SLC19A1: variants seen among roughly 807,000 people sequenced by gnomAD.
SLC19A1 encodes the protein reduced folate transporter.
A neutral mutation model predicts 35.3 loss-of-function variants in SLC19A1; 37 were observed. The observed-to-expected ratio is 1.05, with a 90% CI of 0.81 to 1.38. The LOEUF (loss-of-function observed/expected upper bound fraction) is 1.38. Among genes scored for constraint, SLC19A1 ranks in the 40% most tolerant of loss-of-function variants. The pLI is 0.00. For missense variants in SLC19A1, 831 were observed against 826.9 expected, an observed-to-expected ratio of 1.00 and a Z score of -0.06; for synonymous variants, 460 against 398.5, an observed-to-expected ratio of 1.15 and a Z score of -1.84.
chr21:45,512,114 T>A, downstream of SLC19A1: 1 of 1,518,008 alleles, frequency 6.6e-7, no homozygotes, highest in East Asian at 2.4e-5. Flanking sequence ...CCTCCACCTT[T>A]CCTGCCCGGG....
intron 4 of SLC19A1, among the ~76,000 whole-genome samples, chr21:45,528,382 C>T (rs963501424): frequency 6.6e-6 from 1 of 152,062 alleles, no homozygotes; most frequent in Non-Finnish European, 1.5e-5. Flanking sequence ...CCCAGATCAG[C>T]AGGGAGGAAA....
chr21:45,556,604 A>G (rs1324609906), intron 1 of SLC19A1, among the ~76,000 whole-genome samples: 1 of 152,276 alleles, frequency 6.6e-6, no homozygotes, highest in Non-Finnish European at 1.5e-5. Flanking sequence ...AACACCGTGC[A>G]GACGAAACCA....
At chr21:45,542,913 G>A (rs1024283831), upstream of SLC19A1, among the ~76,000 whole-genome samples, 39 of 151,868 alleles carry the variant, frequency 2.6e-4, 1 homozygote, top group Admixed American at 2.5e-3. Context: ...TCGGGCCCAC[G>A]CGCCCTCAGG....
At chr21:45,509,063 G>A (rs755187126), downstream of SLC19A1, among the ~76,000 whole-genome samples, 10 of 152,130 alleles carry the variant, frequency 6.6e-5, no homozygotes, top group Non-Finnish European at 1.5e-4. Context: ...TTGGAGCCGC[G>A]GCAAAGGAGA....
rs2037896904 is a variant in SLC19A1 at position 45,515,848 on chromosome 21, GGGGCCT to G, written c.1580_1585del (p.Gln527_Ala528del). 6.3e-7 allele frequency: 1 copy of G among 1,598,078 alleles called. No homozygotes were observed. The highest frequency in any genetic ancestry group is 8.5e-7 in the Non-Finnish European group (1 of 1,171,178). ...CAGGAATTCAGCTGCCTGCGGGGCC[GGGGCCT>G]GGGCCAGGTATGGGTCGCTCTGTCT... On this transcript the variant is annotated inframe_deletion, in exon 6 of 6. Transcript: ENST00000311124.
At chr21:45,516,643 G>C (rs529832239) in intron 5 of SLC19A1, among the ~76,000 whole-genome samples, 10 of 152,246 alleles carry the variant, frequency 6.6e-5, no homozygotes, top group African/African-American at 2.2e-4. Context: ...GCTGTGCTAC[G>C]ATGACCAGAA....
upstream of SLC19A1, among the ~76,000 whole-genome samples, chr21:45,544,830 C>T (rs1024151895): frequency 1.7e-4 from 26 of 152,134 alleles, no homozygotes; most frequent in Admixed American, 1.2e-3. Flanking sequence ...CCCCACTCCC[C>T]GGCAGCCTTA....
intron 5 of SLC19A1, among the ~76,000 whole-genome samples, chr21:45,519,280 A>T (rs554118435): frequency 6.6e-6 from 1 of 152,318 alleles, no homozygotes; most frequent in South Asian, 2.1e-4. Context: ...AACAGAAACT[A>T]AAAACAGAGA....
downstream of SLC19A1, chr21:45,512,038 G>A (rs1177466227): frequency 3.7e-6 from 3 of 811,080 alleles, no homozygotes; most frequent in African/African-American, 1.7e-5. Context: ...CAGCAGGGAG[G>A]CCATGTGGCC....
At chr21:45,523,435 C>T (rs1434847365) in intron 5 of SLC19A1, among the ~76,000 whole-genome samples, 2 of 152,190 alleles carry the variant, frequency 1.3e-5, no homozygotes, top group Non-Finnish European at 2.9e-5. Context: ...CCACAGCCTC[C>T]ACGGCCACAC....
rs556965190 is a variant in SLC19A1 at position 45,532,041 on chromosome 21, C to T, written c.297G>A (p.Gln99=). 1 of 1,612,354 alleles carries T rather than the reference C, an allele frequency of 6.2e-7. No homozygotes were observed. Among genetic ancestry groups the T allele is most frequent in the African/African-American group, 1.3e-5 (1 of 75,052 alleles). Residue 99 remains glutamine (Q), a synonymous_variant, in exon 3 of 6, where the codon CAG becomes CAA. Transcript: ENST00000311124. ...YLRYTPVLLL[Q]GLSFVSVWLL... is the part of the protein sequence containing the mutation. Reference sequence around the variant, plus strand: ...GCCACACCGACACGAAGCTGAGCCCCTGCAGCAGCAGCACCGGCGTGTAGC... The same window carrying T: ...GCCACACCGACACGAAGCTGAGCCCTTGCAGCAGCAGCACCGGCGTGTAGC...
intron 3 of SLC19A1, among the ~76,000 whole-genome samples, chr21:45,503,621 C>T (rs1264792359): frequency 8.2e-6 from 1 of 121,788 alleles, no homozygotes; most frequent in East Asian, 2.4e-4. Context: ...GAACATCACA[C>T]TCTGGGGACT....
chr21:45,508,442 AGTGGGTGAGTGGATGGGTGGATGGACAG>A (rs1270330878), downstream of SLC19A1, among the ~76,000 whole-genome samples: 140 of 118,852 alleles, frequency 1.2e-3, no homozygotes, highest in South Asian at 0.016. Flanking sequence ...ATGGTGGGTA[AGTGGGTGAGTGGATGGGTGGATGGACAG>A]GTGGGTGAGT....
At chr21:45,505,611 C>T (rs759806104) in intron 3 of SLC19A1, among the ~76,000 whole-genome samples, 5 of 152,122 alleles carry the variant, frequency 3.3e-5, no homozygotes, top group African/African-American at 7.2e-5. Context: ...CCCAGGAGGA[C>T]GACCACCAGC....
At chr21:45,539,157 T>C (rs2078226493) in intron 1 of SLC19A1, among the ~76,000 whole-genome samples, 1 of 152,184 alleles carries the variant, frequency 6.6e-6, no homozygotes, top group South Asian at 2.1e-4. Flanking sequence ...TGAACTGCCA[T>C]AAACAAGTGT....
At chr21:45,511,498 C>G (rs143223035), downstream of SLC19A1, among the ~76,000 whole-genome samples, 2 of 152,134 alleles carry the variant, frequency 1.3e-5, no homozygotes, top group African/African-American at 2.4e-5. Flanking sequence ...CCATGTCTCC[C>G]GGATGTCACC....
At chr21:45,512,258 T>TG, downstream of SLC19A1, 1 of 1,611,840 alleles carries the variant, frequency 6.2e-7, no homozygotes. Flanking sequence ...CTGTGAGACG[T>TG]GGCGGACGGA....
upstream of SLC19A1, among the ~76,000 whole-genome samples, chr21:45,542,655 T>G: frequency 7.8e-6 from 1 of 127,392 alleles, no homozygotes; most frequent in East Asian, 2.5e-4. Flanking sequence ...GCTGCGGCCC[T>G]ACCCCTGGGG....
chr21:45,512,487 CCCAGGACCTGGCT>C, downstream of SLC19A1: 3 of 1,253,950 alleles, frequency 2.4e-6, no homozygotes, highest in South Asian at 2.5e-5. Context: ...AGCCCCTGGC[CCCAGGACCTGGCT>C]GCCATACTTT....
Sources: allele counts gnomAD v4.1 joint callset (sites outside exome capture counted in the v4.1 genomes callset), GRCh38; gene constraint gnomAD v4.1.1; transcripts MANE v1.5; gene names NCBI Gene and HGNC (gene_info 2026-07-23, HGNC 2026-07-21).